Variants in METTL15 observed in about 807,000 individuals in gnomAD.
The protein encoded by METTL15 is 12S rRNA N(4)-cytidine methyltransferase METTL15.
METTL15 carries 34 observed loss-of-function variants against 38.3 expected under a neutral mutation model. That is an observed-to-expected ratio of 0.89 (90% confidence interval 0.68 to 1.18). METTL15 has a LOEUF of 1.18. METTL15 is among the 50% of genes most tolerant of loss of function. The probability of loss-of-function intolerance (pLI) is 0.00; values close to 1 mark genes in which losing one functional copy is unlikely to be tolerated. For missense variants in METTL15, 438 were observed against 498.4 expected (o/e 0.88, Z 1.15); for synonymous variants, 162 against 170.9 (o/e 0.95, Z 0.41).
intron 6 of METTL15, among the ~76,000 whole-genome samples, chr11:28,318,314 G>A (rs1849340566): frequency 6.6e-6 from 1 of 152,110 alleles, no homozygotes; most frequent in Non-Finnish European, 1.5e-5. Flanking sequence ...ACCCTTTACA[G>A]CCTAGTGGAG....
the METTL15 span, among the ~76,000 whole-genome samples, chr11:28,532,098 C>G: frequency 6.6e-6 from 1 of 152,110 alleles, no homozygotes; most frequent in African/African-American, 2.4e-5. Context: ...TCATCAGCAT[C>G]AGCTATGTAA....
intron 4 of METTL15, among the ~76,000 whole-genome samples, chr11:28,230,204 CT>C (rs1037505478): frequency 5.3e-5 from 8 of 151,784 alleles, no homozygotes; most frequent in Non-Finnish European, 7.4e-5. Flanking sequence ...TAAATAAACT[CT>C]TTTTTTCTCT....
intron 5 of METTL15, among the ~76,000 whole-genome samples, chr11:28,414,577 G>A (rs1850757303): frequency 6.6e-6 from 1 of 152,122 alleles, no homozygotes; most frequent in African/African-American, 2.4e-5. Context: ...TTTCTCAGAG[G>A]TTCTATGTAG....
At chr11:28,219,156 C>A (rs1454244845) in intron 4 of METTL15, among the ~76,000 whole-genome samples, 6 of 152,124 alleles carry the variant, frequency 3.9e-5, no homozygotes, top group Admixed American at 1.3e-4. Context: ...CCTTGTACCT[C>A]TGGTAGAATT....
chr11:28,255,057 A>G (rs1196314719), intron 4 of METTL15, among the ~76,000 whole-genome samples: 4 of 152,134 alleles, frequency 2.6e-5, no homozygotes, highest in African/African-American at 9.7e-5. Context: ...CGCTTTGGGT[A>G]CTGTAGGCAT....
intron 4 of METTL15, among the ~76,000 whole-genome samples, chr11:28,243,673 G>A (rs1410885560): frequency 2.0e-5 from 3 of 152,096 alleles, no homozygotes; most frequent in South Asian, 2.1e-4. Flanking sequence ...ACTGTATAAA[G>A]TATATGACAA....
intron 1 of METTL15, among the ~76,000 whole-genome samples, chr11:28,109,863 C>T (rs555918934): frequency 6.6e-6 from 1 of 152,312 alleles, no homozygotes; most frequent in South Asian, 2.1e-4. Context: ...AGGAATTGTA[C>T]ATTTGGTTAA....
At chr11:28,316,384 T>G (rs1857481946) in intron 6 of METTL15, among the ~76,000 whole-genome samples, 1 of 152,242 alleles carries the variant, frequency 6.6e-6, no homozygotes, top group Non-Finnish European at 1.5e-5. Flanking sequence ...TTCTTCCATT[T>G]GGAATTGCTG....
chr11:28,110,011 T>G (rs1367749317), intron 1 of METTL15, among the ~76,000 whole-genome samples, 155 bp from the exon 2 acceptor site: 1 of 152,234 alleles, frequency 6.6e-6, no homozygotes, highest in Non-Finnish European at 1.5e-5. Context: ...GTTATCAGAA[T>G]ACAAGTTTAA....
intron 3 of METTL15, among the ~76,000 whole-genome samples, chr11:28,203,661 G>C (rs893180323): frequency 6.6e-6 from 1 of 152,002 alleles, no homozygotes; most frequent in Non-Finnish European, 1.5e-5. Flanking sequence ...TAAAAGGAGG[G>C]ATTGGAATAG....
At chr11:28,164,929 C>T (rs1850603589) in intron 3 of METTL15, among the ~76,000 whole-genome samples, 1 of 152,108 alleles carries the variant, frequency 6.6e-6, no homozygotes, top group South Asian at 2.1e-4. Flanking sequence ...TTAGATTCTA[C>T]ATATAAGTGG....
chr11:28,369,184 G>A (rs757608311), intron 5 of METTL15, among the ~76,000 whole-genome samples: 31 of 151,316 alleles, frequency 2.0e-4, no homozygotes, highest in South Asian at 6.3e-4. Flanking sequence ...AGTGAAGTCC[G>A]ACAAAAACTT....
chr11:28,454,690 TA>T (rs1406987276), intron 6 of METTL15, among the ~76,000 whole-genome samples: 2 of 152,224 alleles, frequency 1.3e-5, no homozygotes, highest in African/African-American at 4.8e-5. Context: ...TAAATGCGCT[TA>T]TATCAACATA....
chr11:28,251,682 A>G lies in METTL15; in HGVS notation c.408-38524A>G, dbSNP rs564433803. Reference sequence around the variant, plus strand: ...TTCCTTGGCTTCCATAACTCTCTGAATTTTTCTTCCATTCTACCTTAGCCA... The same window carrying G: ...TTCCTTGGCTTCCATAACTCTCTGAGTTTTTCTTCCATTCTACCTTAGCCA... On this transcript the variant is annotated intron_variant, in intron 4 of 6. Transcript: ENST00000407364. 3.9e-5 allele frequency among the ~76,000 whole-genome samples: 6 copies of G among 152,012 alleles called. No homozygotes were observed. In the South Asian group the frequency reaches 1.0e-3, roughly 26 times the overall value.
At chr11:28,116,024 A>G (rs1388251233) in intron 3 of METTL15, among the ~76,000 whole-genome samples, 2 of 152,050 alleles carry the variant, frequency 1.3e-5, no homozygotes, top group African/African-American at 4.8e-5. Flanking sequence ...ATTCCTTAAC[A>G]TAAGTCTCTC....
At chr11:28,140,045 G>A (rs1849646442) in intron 3 of METTL15, among the ~76,000 whole-genome samples, 1 of 152,184 alleles carries the variant, frequency 6.6e-6, no homozygotes, top group South Asian at 2.1e-4. Flanking sequence ...TGCATGTGCA[G>A]ACATGTCCAT....
intron 6 of METTL15, among the ~76,000 whole-genome samples, chr11:28,484,493 G>C (rs1234430624): frequency 6.6e-5 from 10 of 152,124 alleles, no homozygotes; most frequent in Admixed American, 5.9e-4. Flanking sequence ...GTATGCTGTT[G>C]TTTGGGATTT....
chr11:28,209,121 ATCAC>A (rs1852508708), intron 3 of METTL15, among the ~76,000 whole-genome samples: 1 of 151,990 alleles, frequency 6.6e-6, no homozygotes, highest in South Asian at 2.1e-4. Context: ...GTAAATTATA[ATCAC>A]TCACATTTTT....
At chr11:28,225,396 A>G (rs1853434676) in intron 4 of METTL15, among the ~76,000 whole-genome samples, 1 of 151,814 alleles carries the variant, frequency 6.6e-6, no homozygotes, top group African/African-American at 2.4e-5. Flanking sequence ...GATACATCTG[A>G]GGTTTTGTTT....
Sources: allele counts gnomAD v4.1 joint callset (sites outside exome capture counted in the v4.1 genomes callset), GRCh38; gene constraint gnomAD v4.1.1; transcripts MANE v1.5; gene names NCBI Gene and HGNC (gene_info 2026-07-23, HGNC 2026-07-21).